Variants in CNST observed in about 807,000 individuals in gnomAD.
The protein encoded by CNST is consortin.
A neutral mutation model predicts 72.4 loss-of-function variants in CNST; 39 were observed. That is an observed-to-expected ratio of 0.54 (90% confidence interval 0.42 to 0.70). CNST has a LOEUF of 0.70. Ranked by LOEUF, CNST falls within the 30% of genes least tolerant of loss-of-function variation. The pLI is 0.00. For synonymous variants in CNST, 332 were observed against 320.1 expected (o/e 1.04, Z -0.40); for missense variants, 871 against 868.5 (o/e 1.00, Z -0.04).
intron 2 of CNST, among the ~76,000 whole-genome samples, chr1:246,601,398 T>G (rs1428261546): frequency 1.3e-5 from 2 of 152,168 alleles, no homozygotes; most frequent in Admixed American, 6.5e-5. Context: ...TTTTTTCTAT[T>G]GTAGAAATAT....
At chr1:246,652,768 G>A (rs1036591869) in intron 9 of CNST, among the ~76,000 whole-genome samples, 2 of 151,760 alleles carry the variant, frequency 1.3e-5, no homozygotes, top group Non-Finnish European at 2.9e-5. Flanking sequence ...ACTTTGGGAG[G>A]CCAAGGCGGG....
chr1:246,664,314 A>T (rs942361545), intron 10 of CNST, among the ~76,000 whole-genome samples: 1 of 152,196 alleles, frequency 6.6e-6, no homozygotes, highest in Non-Finnish European at 1.5e-5. Flanking sequence ...CTGTAGCCTA[A>T]TTCTTAAAGG....
chr1:246,623,716 C>T (rs543082307), intron 3 of CNST, among the ~76,000 whole-genome samples: 3 of 151,300 alleles, frequency 2.0e-5, no homozygotes, highest in South Asian at 4.2e-4. Context: ...GGGCGGAGAT[C>T]GCACCACTGC....
intron 10 of CNST, among the ~76,000 whole-genome samples, chr1:246,664,666 T>C (rs1667305927): frequency 6.6e-6 from 1 of 151,954 alleles, no homozygotes; most frequent in African/African-American, 2.4e-5. Context: ...GACCTCGTGA[T>C]CCGCCCGCCT....
At chr1:246,637,809 C>T (rs1438818656) in intron 6 of CNST, among the ~76,000 whole-genome samples, 1 of 152,132 alleles carries the variant, frequency 6.6e-6, no homozygotes, top group Non-Finnish European at 1.5e-5. Flanking sequence ...GAATTGTATA[C>T]ATGATGAGAG....
At chr1:246,603,526 C>A (rs1342867989) in intron 2 of CNST, among the ~76,000 whole-genome samples, 1 of 151,992 alleles carries the variant, frequency 6.6e-6, no homozygotes, top group Non-Finnish European at 1.5e-5. Context: ...AAGTTATATG[C>A]GCCTGCCGCT....
At chr1:246,581,855 GA>G (rs1431949988) in intron 1 of CNST, among the ~76,000 whole-genome samples, 3 of 152,130 alleles carry the variant, frequency 2.0e-5, no homozygotes, top group African/African-American at 4.8e-5. Context: ...AGGGAGAAAT[GA>G]AAAATGTTTT....
chr1:246,621,682 C>G (rs1664101971), intron 3 of CNST, 48 bp downstream of exon 3: 1 of 1,486,918 alleles, frequency 6.7e-7, no homozygotes, highest in Middle Eastern at 1.7e-4. Flanking sequence ...ATTCCCCTAG[C>G]AGTGTTTGGA....
At chr1:246,605,487 T>A (rs186979189) in intron 2 of CNST, among the ~76,000 whole-genome samples, 1 of 152,284 alleles carries the variant, frequency 6.6e-6, no homozygotes, top group Non-Finnish European at 1.5e-5. Context: ...TCACGCTGTT[T>A]TAATGCGCGC....
chr1:246,641,841 T>C (rs1665712266), intron 7 of CNST, 71 bp downstream of exon 7: 5 of 1,259,386 alleles, frequency 4.0e-6, no homozygotes. Context: ...GTATGGACTA[T>C]TTTGGAAAAT....
intron 8 of CNST, among the ~76,000 whole-genome samples, chr1:246,642,576 C>G (rs1016132272): frequency 2.6e-5 from 4 of 151,804 alleles, no homozygotes; most frequent in African/African-American, 9.7e-5. Flanking sequence ...GTATTTCATA[C>G]CACCTTGTGC....
chr1:246,648,803 C>T (rs924772847), intron 9 of CNST, among the ~76,000 whole-genome samples: 1 of 152,102 alleles, frequency 6.6e-6, no homozygotes, highest in African/African-American at 2.4e-5. Flanking sequence ...CTTTTCTTCA[C>T]CATTTTTCCC....
rs369519211 is a variant in CNST at position 246,634,631 on chromosome 1, T to C, written c.818+44T>C. ...CGTTAGAATGAGTTGGAGTAGAATA[T>C]TGAAGAAGCATTATAGCATTGAGTA... On this transcript the variant is annotated intron_variant, in intron 6 of 10. Transcript: ENST00000366513. 3.7e-5 allele frequency: 38 copies of C among 1,038,250 alleles called. No individual in the cohort carries two copies. In the Middle Eastern group the frequency reaches 6.2e-4, roughly 17 times the overall value. The allele number at this position is 1,038,250 out of a possible 1,614,324, so 64.3% of individuals were successfully genotyped here.
At chr1:246,618,832 A>T (rs1663864645) in intron 2 of CNST, among the ~76,000 whole-genome samples, 1 of 152,240 alleles carries the variant, frequency 6.6e-6, no homozygotes, top group African/African-American at 2.4e-5. Flanking sequence ...AATAACCGAG[A>T]TAACCACGAT....
Position 246,572,708 on chromosome 1 carries a change from A to G in CNST, c.-52+6045A>G, listed in dbSNP as rs142537755. On this transcript the variant is annotated intron_variant, in intron 1 of 10. Transcript: ENST00000366513. ...GTGGAGTTATTTATTTATGTGTGTG[A>G]TATGTGGTTTTTTTAATTATTAATT... Among the ~76,000 whole-genome samples the G allele has an allele frequency of 4.4e-3, 664 of 152,114 alleles. 3 individuals are homozygous for G. Among genetic ancestry groups the G allele is most frequent in the African/African-American group, 0.015 (637 of 41,484 alleles).
chr1:246,577,069 G>A (rs1273961123), intron 1 of CNST, among the ~76,000 whole-genome samples: 2 of 152,006 alleles, frequency 1.3e-5, no homozygotes, highest in South Asian at 2.1e-4. Context: ...AGCTTTTGAC[G>A]GGACATTGCC....
intron 2 of CNST, among the ~76,000 whole-genome samples, chr1:246,594,340 A>G (rs143740610): frequency 1.2e-3 from 178 of 152,332 alleles, no homozygotes; most frequent in African/African-American, 4.0e-3. Context: ...TTTAGTATTT[A>G]TAATACTGTG....
At chr1:246,609,582 A>G (rs993275006) in intron 2 of CNST, among the ~76,000 whole-genome samples, 4 of 152,078 alleles carry the variant, frequency 2.6e-5, no homozygotes, top group African/African-American at 9.7e-5. Context: ...TGTCTCAAAG[A>G]AAAAAAAGTG....
chr1:246,570,892 A>G (rs2102998503), intron 1 of CNST, among the ~76,000 whole-genome samples: 1 of 152,294 alleles, frequency 6.6e-6, no homozygotes, highest in South Asian at 2.1e-4. Context: ...TAAAAGCATT[A>G]TATGCTTAAT....
Sources: allele counts gnomAD v4.1 joint callset (sites outside exome capture counted in the v4.1 genomes callset), GRCh38; gene constraint gnomAD v4.1.1; transcripts MANE v1.5; gene names NCBI Gene and HGNC (gene_info 2026-07-23, HGNC 2026-07-21).